Variants in TANGO6 observed in about 807,000 individuals in gnomAD.
The protein encoded by TANGO6 is transport and Golgi organization protein 6 homolog.
TANGO6 carries 90 observed loss-of-function variants against 114.2 expected under a neutral mutation model. The ratio of observed to expected loss-of-function variants is 0.79; its 90% confidence interval spans 0.66 to 0.94. The LOEUF (loss-of-function observed/expected upper bound fraction) is 0.94. Ranked by LOEUF, TANGO6 falls within the 40% of genes least tolerant of loss-of-function variation. The pLI is 0.00. For synonymous variants in TANGO6, 477 were observed against 509.8 expected (o/e 0.94, Z 0.87); for missense variants, 1,274 against 1,315.3 (o/e 0.97, Z 0.49).
intron 15 of TANGO6, among the ~76,000 whole-genome samples, chr16:68,986,184 C>G (rs1963887890): frequency 6.6e-6 from 1 of 152,196 alleles, no homozygotes; most frequent in South Asian, 2.1e-4. Context: ...AGGCCAGAGA[C>G]TTCTAAAAGT....
At chr16:68,882,794 G>A (rs888905639) in intron 7 of TANGO6, among the ~76,000 whole-genome samples, 26 of 151,862 alleles carry the variant, frequency 1.7e-4, no homozygotes, top group African/African-American at 4.8e-4. Flanking sequence ...CAAGGCGGGC[G>A]GATCATGAGG....
At chr16:68,880,890 G>C (rs939098370) in intron 7 of TANGO6, among the ~76,000 whole-genome samples, 2 of 151,968 alleles carry the variant, frequency 1.3e-5, no homozygotes, top group Non-Finnish European at 2.9e-5. Context: ...AAAGCTCCAA[G>C]CTGTCTGGTT....
intron 15 of TANGO6, among the ~76,000 whole-genome samples, chr16:69,001,381 A>G (rs1964040934): frequency 6.6e-6 from 1 of 152,170 alleles, no homozygotes; most frequent in Non-Finnish European, 1.5e-5. Flanking sequence ...AACTCCCTTT[A>G]TTTTTAAAAG....
At chr16:69,043,283 AGTGTGTGTGTGTGTGTGTGTGT>A (rs57443398) in intron 17 of TANGO6, among the ~76,000 whole-genome samples, 1 of 146,642 alleles carries the variant, frequency 6.8e-6, no homozygotes, top group Non-Finnish European at 1.5e-5. Flanking sequence ...AGACAGAGCG[AGTGTGTGTGTGTGTGTGTGTGT>A]GTGTGTGTGT....
At chr16:68,871,622 A>C (rs1486461538) in intron 4 of TANGO6, among the ~76,000 whole-genome samples, 2 of 151,446 alleles carry the variant, frequency 1.3e-5, no homozygotes, top group African/African-American at 4.9e-5. Flanking sequence ...CTGTCTTTAA[A>C]ATTTTTTTTT....
intron 16 of TANGO6, among the ~76,000 whole-genome samples, chr16:69,036,938 G>A (rs1288026161): frequency 6.6e-6 from 1 of 151,814 alleles, no homozygotes; most frequent in Non-Finnish European, 1.5e-5. Context: ...ATTCCAGCCT[G>A]GGTGACACAG....
chr16:68,921,550 GT>G (rs1026616749), intron 12 of TANGO6, among the ~76,000 whole-genome samples: 1 of 89,784 alleles, frequency 1.1e-5, no homozygotes, highest in Non-Finnish European at 2.5e-5. Flanking sequence ...GTTTTGTTTT[GT>G]TTTTTTTTGG....
chr16:68,894,665 G>A (rs16958454), intron 7 of TANGO6, among the ~76,000 whole-genome samples: 2,929 of 152,192 alleles, frequency 0.019, 99 homozygotes, highest in African/African-American at 0.067. Flanking sequence ...ATTATGCACA[G>A]GGGAAGGAGG....
At chr16:68,938,304 G>C (rs1963319059) in intron 14 of TANGO6, among the ~76,000 whole-genome samples, 1 of 152,206 alleles carries the variant, frequency 6.6e-6, no homozygotes, top group Non-Finnish European at 1.5e-5. Context: ...TTGTTCTGGA[G>C]AAAGATCATT....
chr16:69,024,847 G>A (rs990374859), intron 16 of TANGO6, among the ~76,000 whole-genome samples: 5 of 151,664 alleles, frequency 3.3e-5, no homozygotes, highest in Non-Finnish European at 7.4e-5. Flanking sequence ...TAACTCTGTC[G>A]CCCAGGCTGG....
chr16:68,974,087 T>C lies in TANGO6; in HGVS notation c.2761T>C (p.Tyr921His). The change falls in exon 15 of 18, where the codon TAT (tyrosine) becomes CAT (histidine). Residue 921 changes from tyrosine to histidine, a missense_variant. Tyr to His is a moderately conservative substitution (Grantham distance 83, BLOSUM62 2). Transcript: ENST00000261778. ...AATCTTGCCGGACTTGTTGGCTCAA[T>C]ATGACAGCAGCAAAGACAAGCACAC... ...EKILPDLLAQ[Y>H]DSSKDKHTPE... 2 of 1,613,800 alleles carry C rather than the reference T, an allele frequency of 1.2e-6. No individual in the cohort carries two copies. Among genetic ancestry groups the C allele is most frequent in the Non-Finnish European group, 1.7e-6 (2 of 1,179,818 alleles).
chr16:68,907,510 G>C lies in TANGO6; in HGVS notation c.1735G>C (p.Gly579Arg), dbSNP rs61751928. The change falls in exon 10 of 18, where the codon GGG (glycine) becomes CGG (arginine). Residue 579 changes from glycine (G) to arginine (R), a missense_variant. By Grantham distance (125) the Gly-to-Arg change is moderately radical. Around this residue, in one of 5 missense-constraint regions of TANGO6, gnomAD observed 908 missense variants for 910.2 expected, o/e 1.00. Coordinates refer to ENST00000261778, the MANE Select transcript of TANGO6 (RefSeq NM_024562.2). ...SSEQGRVEHL[G>R]DLLSHCQECG... Reference sequence around the variant, plus strand: ...TGAGCAGGGCCGGGTGGAGCATCTCGGGGACTTGCTGTCCCACTGCCAGGA... The same window carrying C: ...TGAGCAGGGCCGGGTGGAGCATCTCCGGGACTTGCTGTCCCACTGCCAGGA... 2.5e-6 allele frequency: 4 copies of C among 1,613,538 alleles called. No individual in the cohort carries two copies. Among genetic ancestry groups the C allele is most frequent in the Non-Finnish European group, 3.4e-6 (4 of 1,179,816 alleles).
intron 12 of TANGO6, among the ~76,000 whole-genome samples, chr16:68,923,531 T>C (rs774571209): frequency 1.3e-5 from 2 of 152,186 alleles, no homozygotes; most frequent in Non-Finnish European, 2.9e-5. Flanking sequence ...CTTTCTCTTC[T>C]TCACCGAGCC....
In TANGO6 at chr16:68,921,051, G is replaced by A. The variant is rs192257129; in HGVS notation, c.2127+1832G>A. Among the ~76,000 whole-genome samples the A allele has an allele frequency of 6.4e-3, 950 of 148,542 alleles. 11 individuals carry two copies. The highest frequency in any genetic ancestry group is 0.022 in the African/African-American group (892 of 40,236). ...CTGGGAGGCGGAGGTTGCAGTGGGC[G>A]GAGGTTGCAGTGAGCCGAGATCGCG... On this transcript the variant is annotated intron_variant, in intron 12 of 17. Transcript: ENST00000261778.
At chr16:69,047,417 C>A (rs1959880313) in intron 17 of TANGO6, among the ~76,000 whole-genome samples, 1 of 151,858 alleles carries the variant, frequency 6.6e-6, no homozygotes, top group African/African-American at 2.4e-5. Context: ...ATCACTTGAA[C>A]CTGGGAGGCA....
At chr16:68,921,432 C>T (rs1228594816) in intron 12 of TANGO6, among the ~76,000 whole-genome samples, 2 of 152,014 alleles carry the variant, frequency 1.3e-5, no homozygotes, top group Non-Finnish European at 2.9e-5. Flanking sequence ...GATTCACCCG[C>T]CTCGGCCTCC....
chr16:69,044,649 G>A (rs1959822752), intron 17 of TANGO6, among the ~76,000 whole-genome samples: 2 of 152,128 alleles, frequency 1.3e-5, no homozygotes, highest in Non-Finnish European at 2.9e-5. Context: ...AAGATCCAAA[G>A]AGAAGATTCC....
intron 15 of TANGO6, among the ~76,000 whole-genome samples, chr16:69,006,732 CAG>C (rs1353426199): frequency 6.6e-6 from 1 of 152,196 alleles, no homozygotes; most frequent in Non-Finnish European, 1.5e-5. Flanking sequence ...GCCTGGGTAA[CAG>C]AGCGAGACTC....
Position 68,904,054 on chromosome 16 carries a change from TA to T in TANGO6, c.1667+1553del, listed in dbSNP as rs1962818281. Among the ~76,000 whole-genome samples, 4 of 152,226 alleles carry T rather than the reference TA, an allele frequency of 2.6e-5. No individual in the cohort carries two copies. The South Asian group carries it at 8.3e-4, about 31-fold the overall frequency. On this transcript the variant is annotated intron_variant, in intron 9 of 17. Transcript: ENST00000261778. The stretch of plus-strand genomic sequence containing the variant: ...GAATTTACTCTTTATTGTTGAATTT[TA>T]AAGCGTGACTAAAGTAGTGCTTCTT...
Sources: gnomAD v4.1 joint callset for allele counts (sites outside exome capture counted in the v4.1 genomes callset) on GRCh38, gnomAD v4.1.1 for gene constraint, gnomAD v4.1.1 regional missense constraint, MANE v1.5 for transcripts, NCBI Gene and HGNC (gene_info 2026-07-23, HGNC 2026-07-21) for gene names.